EXT1: variants seen among roughly 807,000 people sequenced by gnomAD.
EXT1 encodes the protein exostosin glycosyltransferase 1.
EXT1 carries 20 observed loss-of-function variants against 82.5 expected under a neutral mutation model. That is an observed-to-expected ratio of 0.24 (90% CI 0.17 to 0.35). EXT1 has a LOEUF of 0.35. EXT1 is among the 10% of genes least tolerant of loss of function. EXT1 has a pLI of 1.00. For synonymous variants in EXT1, 348 were observed against 350.8 expected (o/e 0.99, Z 0.09); for missense variants, 757 against 936.5 (o/e 0.81, Z 2.50).
intron 1 of EXT1, among the ~76,000 whole-genome samples, chr8:118,059,781 C>T (rs546636734): frequency 6.6e-6 from 1 of 152,330 alleles, no homozygotes; most frequent in Admixed American, 6.5e-5. Flanking sequence ...TAATAAATCC[C>T]TTAATCCCAT....
rs35638588 is a variant in EXT1, at chr8:117,965,993, T to TACAC, written c.963-128796_963-128793dup. Among the ~76,000 whole-genome samples, 1,232 of 150,588 alleles carry TACAC rather than the reference T, an allele frequency of 8.2e-3. 16 individuals carry two copies. The highest frequency in any genetic ancestry group is 0.042 in the East Asian group (215 of 5,144). ...AAATAAATAAACACATACATGCATA[T>TACAC]ACACACACACACACACACATATATA... On this transcript the variant is annotated intron_variant, in intron 1 of 10. Coordinates refer to ENST00000378204, the MANE Select transcript of EXT1 (RefSeq NM_000127.3).
At chr8:117,908,222 G>T (rs1356175212) in intron 1 of EXT1, among the ~76,000 whole-genome samples, 1 of 152,158 alleles carries the variant, frequency 6.6e-6, no homozygotes, top group Non-Finnish European at 1.5e-5. Context: ...TCCCTCAAAA[G>T]AATTATTTCC....
chr8:118,019,249 A>AAGAAAGAAAGAG (rs1816057452), intron 1 of EXT1, among the ~76,000 whole-genome samples: 1 of 134,970 alleles, frequency 7.4e-6, no homozygotes. Flanking sequence ...GTACGATTGA[A>AAGAAAGAAAGAG]AGAAAGAAAG....
At position 117,797,058 on chromosome 8, in the gene EXT1, G is replaced by C. The variant is rs1823098730; in HGVS notation, c.*2654C>G. ...AATGCAGCACATGTTAGCCCACTTAGGGACCCCTAGTTATCATTAAAGTTG... is the reference window on the plus strand; with the variant it reads ...AATGCAGCACATGTTAGCCCACTTACGGACCCCTAGTTATCATTAAAGTTG... On this transcript the variant is annotated 3_prime_UTR_variant, in exon 11 of 11. Transcript: ENST00000378204. 6.6e-6 allele frequency: 1 copy of C among 152,128 alleles called. No homozygotes were observed. The highest frequency in any genetic ancestry group is 1.5e-5 in the Non-Finnish European group (1 of 68,028). The allele number at this position is 152,128 out of a possible 1,614,324, so 9.4% of individuals were successfully genotyped here.
chr8:117,979,986 C>G (rs1815152168), intron 1 of EXT1, among the ~76,000 whole-genome samples: 1 of 152,074 alleles, frequency 6.6e-6, no homozygotes. Context: ...TTAATGTGAC[C>G]ATGGACAAGG....
chr8:117,873,441 C>T (rs1350099950), intron 1 of EXT1, among the ~76,000 whole-genome samples: 7 of 145,544 alleles, frequency 4.8e-5, no homozygotes, highest in African/African-American at 1.8e-4. Context: ...CAATGTTGTC[C>T]TGTGACTTTT....
At chr8:118,104,774 G>A (rs1208749413) in intron 1 of EXT1, among the ~76,000 whole-genome samples, 1 of 152,136 alleles carries the variant, frequency 6.6e-6, no homozygotes, top group Non-Finnish European at 1.5e-5. Context: ...GAGCATTTTG[G>A]ACCTTTGGAT....
intron 1 of EXT1, among the ~76,000 whole-genome samples, chr8:118,062,415 A>G (rs1429830486): frequency 6.6e-6 from 1 of 152,220 alleles, no homozygotes; most frequent in Non-Finnish European, 1.5e-5. Context: ...AGACCACTCA[A>G]GGACTCAGGA....
intron 1 of EXT1, among the ~76,000 whole-genome samples, chr8:118,038,926 TG>T (rs1816475218): frequency 6.6e-6 from 1 of 152,254 alleles, no homozygotes; most frequent in Non-Finnish European, 1.5e-5. Context: ...TCTTATCATA[TG>T]GACTATTCAT....
At chr8:118,035,799 T>C (rs1251241825) in intron 1 of EXT1, among the ~76,000 whole-genome samples, 5 of 152,220 alleles carry the variant, frequency 3.3e-5, no homozygotes, top group Non-Finnish European at 7.3e-5. Context: ...AAGTATTCTG[T>C]ATTTGGACTT....
intron 1 of EXT1, among the ~76,000 whole-genome samples, chr8:117,933,944 A>G (rs2447535): frequency 0.78 from 118,269 of 151,996 alleles, 47,230 homozygotes; most frequent in African/African-American, 0.95. Flanking sequence ...TCACAGAGCA[A>G]TGGATCCCCC....
chr8:117,973,949 G>GGAAGGAAGGAAGGAAGGAAA (rs1393188376), intron 1 of EXT1, among the ~76,000 whole-genome samples: 1 of 146,782 alleles, frequency 6.8e-6, no homozygotes, highest in African/African-American at 2.5e-5. Context: ...AAGGAAGGAA[G>GGAAGGAAGGAAGGAAGGAAA]GAAGGAAGGA....
At chr8:117,952,052 A>T (rs1010959026) in intron 1 of EXT1, among the ~76,000 whole-genome samples, 7 of 152,244 alleles carry the variant, frequency 4.6e-5, no homozygotes, top group Admixed American at 3.9e-4. Context: ...CTTATCTAAC[A>T]TAAGAGTAAA....
At chr8:117,835,939 C>T (rs1812182706) in intron 2 of EXT1, among the ~76,000 whole-genome samples, 1 of 152,134 alleles carries the variant, frequency 6.6e-6, no homozygotes, top group Admixed American at 6.5e-5. Context: ...AACGTAACTC[C>T]CACAAGTCCA....
chr8:118,061,119 T>G (rs1048041246), intron 1 of EXT1, among the ~76,000 whole-genome samples: 2 of 152,232 alleles, frequency 1.3e-5, no homozygotes, highest in Admixed American at 6.5e-5. Context: ...CTCCCTGTAC[T>G]GGTTTTCTCA....
rs1335741663 is a variant in EXT1 at position 117,807,328 on chromosome 8, C to G, written c.1772G>C (p.Gly591Ala). 1 of 1,614,136 alleles carries G rather than the reference C, an allele frequency of 6.2e-7. No individual in the cohort carries two copies. Among genetic ancestry groups the G allele is most frequent in the Non-Finnish European group, 8.5e-7 (1 of 1,180,034 alleles). Reference sequence around the variant, plus strand: ...CCAGAAGTGGCTGCGCGCGGGGTACCCCACAATCCTCTCAGGGAAGCTCTG... The same window carrying G: ...CCAGAAGTGGCTGCGCGCGGGGTACGCCACAATCCTCTCAGGGAAGCTCTG... ...VWQSFPERIV[G>A]YPARSHFWDN... The change falls in exon 9 of 11, where the codon GGG becomes GCG. Residue 591 changes from glycine (G) to alanine (A), a missense_variant. By Grantham distance (60) the Gly-to-Ala change is moderately conservative. This residue lies in a region of EXT1 where 128 missense variants were observed against 223.2 expected (regional missense o/e 0.57). Transcript: ENST00000378204.
At chr8:117,846,098 C>T (rs1247333929) in intron 1 of EXT1, among the ~76,000 whole-genome samples, 1 of 152,068 alleles carries the variant, frequency 6.6e-6, no homozygotes. Context: ...TTTTGCAGCA[C>T]CAGCTTTTTC....
At chr8:117,945,462 G>A (rs1243486863) in intron 1 of EXT1, among the ~76,000 whole-genome samples, 2 of 152,140 alleles carry the variant, frequency 1.3e-5, no homozygotes, top group Non-Finnish European at 2.9e-5. Flanking sequence ...AGGATCAGGG[G>A]ACTCCACTTT....
At chr8:117,818,754 A>C (rs559180865) in intron 6 of EXT1, among the ~76,000 whole-genome samples, 1 of 150,754 alleles carries the variant, frequency 6.6e-6, no homozygotes, top group Non-Finnish European at 1.5e-5. Context: ...GCAAACAAAT[A>C]AACAAACAAA....
Sources: allele counts gnomAD v4.1 joint callset (sites outside exome capture counted in the v4.1 genomes callset), GRCh38; gene constraint gnomAD v4.1.1; regional missense constraint gnomAD v4.1.1; transcripts MANE v1.5; gene names NCBI Gene and HGNC (gene_info 2026-07-23, HGNC 2026-07-21).